CTNNA2: variants seen among roughly 807,000 people sequenced by gnomAD.
CTNNA2 encodes the protein catenin alpha 2.
In CTNNA2, 42 loss-of-function variants were observed where a neutral mutation model predicts 101.0. The observed-to-expected ratio is 0.42, with a 90% CI of 0.32 to 0.54. CTNNA2 has a LOEUF of 0.54. CTNNA2 is among the 20% of genes least tolerant of loss of function. The pLI is 0.14. For missense variants in CTNNA2, 871 were observed against 1,223.1 expected (o/e 0.71, Z 4.29); for synonymous variants, 450 against 456.4 (o/e 0.99, Z 0.18).
At chr2:80,136,249 T>TTC (rs1281103103) in intron 7 of CTNNA2, among the ~76,000 whole-genome samples, 1 of 152,198 alleles carries the variant, frequency 6.6e-6, no homozygotes, top group Non-Finnish European at 1.5e-5. Context: ...TGTATCATTG[T>TTC]CCAGGATCTG....
chr2:79,890,171 C>T lies in CTNNA2; in HGVS notation c.852+15829C>T, dbSNP rs961081452. On this transcript the variant is annotated intron_variant, in intron 6 of 18. Coordinates refer to ENST00000402739, the MANE Select transcript of CTNNA2 (RefSeq NM_001282597.3). ...TTGTTGGTCTCTGAAGATTGCTCAG[C>T]GAGCACCTGGAATAAAGAGGAGCGA... is the stretch of plus-strand genomic sequence containing the variant. Among the ~76,000 whole-genome samples the T allele has an allele frequency of 2.6e-5, 4 of 152,178 alleles. No homozygotes were observed. In the East Asian group the frequency reaches 7.7e-4, roughly 29 times the overall value.
At chr2:80,193,166 A>G (rs572760687) in intron 7 of CTNNA2, among the ~76,000 whole-genome samples, 1 of 152,328 alleles carries the variant, frequency 6.6e-6, no homozygotes, top group African/African-American at 2.4e-5. Flanking sequence ...TTTAGTAATA[A>G]TAGTTCATTG....
intron 2 of CTNNA2, among the ~76,000 whole-genome samples, chr2:79,227,196 A>C (rs897008672): frequency 7.2e-5 from 11 of 152,156 alleles, no homozygotes; most frequent in Non-Finnish European, 1.6e-4. Flanking sequence ...AAAAAAGGAA[A>C]GGTAACTCCT....
At chr2:80,021,640 A>AT (rs1298019829) in intron 7 of CTNNA2, among the ~76,000 whole-genome samples, 3 of 152,178 alleles carry the variant, frequency 2.0e-5, no homozygotes, top group African/African-American at 7.2e-5. Flanking sequence ...GATATACATC[A>AT]TGATATTTTG....
intron 3 of CTNNA2, among the ~76,000 whole-genome samples, chr2:79,796,671 C>T (rs1035178075): frequency 2.0e-5 from 3 of 152,116 alleles, no homozygotes; most frequent in Non-Finnish European, 4.4e-5. Context: ...TGGGCAGGTC[C>T]AGGGTTTCAA....
intron 4 of CTNNA2, among the ~76,000 whole-genome samples, chr2:79,379,298 C>T (rs905456625): frequency 2.6e-5 from 4 of 152,050 alleles, no homozygotes; most frequent in Non-Finnish European, 5.9e-5. Context: ...TAATGACATG[C>T]GTTATGAATG....
chr2:79,419,086 C>T (rs1490972664), intron 4 of CTNNA2, among the ~76,000 whole-genome samples: 1 of 151,944 alleles, frequency 6.6e-6, no homozygotes, highest in East Asian at 1.9e-4. Context: ...AAGCATCATG[C>T]CATTATAGAA....
At chr2:80,196,444 A>G (rs904523085) in intron 7 of CTNNA2, among the ~76,000 whole-genome samples, 2 of 152,228 alleles carry the variant, frequency 1.3e-5, no homozygotes, top group African/African-American at 4.8e-5. Context: ...GTAGTCACAG[A>G]AACTTGCATG....
At chr2:79,338,233 C>A (rs563588340) in intron 3 of CTNNA2, among the ~76,000 whole-genome samples, 2 of 79,758 alleles carry the variant, frequency 2.5e-5, no homozygotes, top group South Asian at 5.8e-4. Flanking sequence ...GTGACAGAAC[C>A]AGACTCCATC....
chr2:80,604,446 A>G (rs981263582), intron 16 of CTNNA2, among the ~76,000 whole-genome samples: 3 of 151,936 alleles, frequency 2.0e-5, no homozygotes, highest in African/African-American at 7.2e-5. Flanking sequence ...CAGCCCCTGA[A>G]GAGTCACGGA....
intron 7 of CTNNA2, among the ~76,000 whole-genome samples, chr2:80,311,845 T>C (rs1677620942): frequency 6.6e-6 from 1 of 152,214 alleles, no homozygotes; most frequent in Admixed American, 6.5e-5. Flanking sequence ...CCAGAACAGT[T>C]TTGAAAACTT....
intron 4 of CTNNA2, chr2:79,500,824 T>C (rs1047190358): frequency 2.6e-5 from 4 of 152,282 alleles, no homozygotes; most frequent in African/African-American, 9.6e-5. Flanking sequence ...TGCATGGTTC[T>C]AGGACAAGCT....
At chr2:80,306,853 A>C (rs1401146189) in intron 7 of CTNNA2, among the ~76,000 whole-genome samples, 3 of 151,968 alleles carry the variant, frequency 2.0e-5, no homozygotes, top group Admixed American at 2.0e-4. Flanking sequence ...AGAGGCTGCC[A>C]AATGGGCAAG....
intron 1 of CTNNA2, among the ~76,000 whole-genome samples, chr2:79,613,904 A>G (rs1291472506): frequency 6.6e-6 from 1 of 152,120 alleles, no homozygotes; most frequent in Non-Finnish European, 1.5e-5. Flanking sequence ...CTGTTGTTTG[A>G]CTGTTTTATA....
At chr2:79,587,704 C>T (rs185300438) in intron 1 of CTNNA2, among the ~76,000 whole-genome samples, 2 of 152,242 alleles carry the variant, frequency 1.3e-5, no homozygotes, top group East Asian at 1.9e-4. Flanking sequence ...CTCAGGGTGA[C>T]GCTGCTAGGA....
rs559336309 is a variant in CTNNA2, at chr2:80,642,573, A to T, written c.2575-5012A>T. ...GATAAAAAGTCAGTGATAATTCAAC[A>T]TTTCAAGAGGTGTAGTTGCACTTTC... On this transcript the variant is annotated intron_variant, in intron 18 of 18. Coordinates refer to ENST00000402739, the MANE Select transcript of CTNNA2 (RefSeq NM_001282597.3). Among the ~76,000 whole-genome samples the T allele has an allele frequency of 8.5e-5, 13 of 152,272 alleles. 1 individual carries two copies. In the South Asian group the frequency reaches 2.1e-3, roughly 24 times the overall value.
At chr2:79,563,405 G>A (rs1023629977) in intron 1 of CTNNA2, among the ~76,000 whole-genome samples, 7 of 151,966 alleles carry the variant, frequency 4.6e-5, no homozygotes, top group Non-Finnish European at 8.8e-5. Context: ...TTTTATACAT[G>A]ATAATCAGGA....
intron 1 of CTNNA2, among the ~76,000 whole-genome samples, chr2:79,532,658 T>C (rs1672815511): frequency 6.6e-6 from 1 of 151,760 alleles, no homozygotes; most frequent in Non-Finnish European, 1.5e-5. Flanking sequence ...ACCGCCAAGC[T>C]GCTGCTTAAT....
intron 7 of CTNNA2, among the ~76,000 whole-genome samples, chr2:79,986,947 A>G (rs1691807780): frequency 6.6e-6 from 1 of 152,224 alleles, no homozygotes; most frequent in Admixed American, 6.5e-5. Context: ...ATCAGTGAAC[A>G]TAAAAAGGAA....
Sources: allele counts gnomAD v4.1 joint callset (sites outside exome capture counted in the v4.1 genomes callset), GRCh38; gene constraint gnomAD v4.1.1; transcripts MANE v1.5; gene names NCBI Gene and HGNC (gene_info 2026-07-23, HGNC 2026-07-21).